Variants in DCAF8L2 observed in about 807,000 individuals in gnomAD.
DCAF8L2 encodes DDB1- and CUL4-associated factor 8-like protein 2.
For synonymous variants in DCAF8L2, 200 were observed against 190.9 expected (o/e 1.05, Z -0.39); for missense variants, 430 against 490.7 (o/e 0.88, Z 1.17).
Position 27,717,970 on chromosome X carries a change from T to G in DCAF8L2, c.-59+1799T>G, listed in dbSNP as rs190521912. On this transcript the variant is annotated intron_variant, in intron 4 of 4. Coordinates refer to ENST00000451261, the MANE Select transcript of DCAF8L2 (RefSeq NM_001353450.2). ...TTGCCATAACTTAGTCATTTCTCTA[T>G]TATAAAATATTCTATTTTACTATTG... Among the ~76,000 whole-genome samples, 439 of 112,167 alleles carry G rather than the reference T, an allele frequency of 3.9e-3. 2 individuals are homozygous for G. Among genetic ancestry groups the G allele is most frequent in the African/African-American group, 0.013 (411 of 30,949 alleles).
the DCAF8L2 span, among the ~76,000 whole-genome samples, chrX:27,516,659 A>G: frequency 2.7e-5 from 3 of 111,762 alleles, no homozygotes; most frequent in South Asian, 7.5e-4. Flanking sequence ...ACTTTAAGAT[A>G]TTCTGAGGGA....
At chrX:27,664,790 A>G (rs1438879291) in intron 2 of DCAF8L2, among the ~76,000 whole-genome samples, 1 of 111,007 alleles carries the variant, frequency 9.0e-6, no homozygotes, top group Non-Finnish European at 1.9e-5. Flanking sequence ...TATTTTGCTA[A>G]ATTTACTCTG....
At chrX:27,477,828 C>T in the DCAF8L2 span, among the ~76,000 whole-genome samples, 1 of 111,774 alleles carries the variant, frequency 8.9e-6, no homozygotes, top group East Asian at 2.8e-4. Context: ...CATTCAAAGA[C>T]AACTAACAAG....
At chrX:27,639,773 G>T (rs1928635898) in intron 2 of DCAF8L2, among the ~76,000 whole-genome samples, 1 of 111,004 alleles carries the variant, frequency 9.0e-6, no homozygotes, top group Non-Finnish European at 1.9e-5. Flanking sequence ...TGTTATAGCT[G>T]CCACTTGGAT....
intron 3 of DCAF8L2, among the ~76,000 whole-genome samples, chrX:27,696,900 T>C (rs1930947287): frequency 9.0e-6 from 1 of 111,175 alleles, no homozygotes; most frequent in Non-Finnish European, 1.9e-5. Flanking sequence ...AAGCAGCAGA[T>C]TTTTTTTATT....
the DCAF8L2 span, among the ~76,000 whole-genome samples, chrX:27,541,060 T>G: frequency 9.0e-6 from 1 of 111,646 alleles, no homozygotes; most frequent in African/African-American, 3.3e-5. Flanking sequence ...CTCTTGGCCC[T>G]CTGAAGCTTC....
At chrX:27,742,105 C>A (rs1311671927) in intron 4 of DCAF8L2, among the ~76,000 whole-genome samples, 1 of 112,262 alleles carries the variant, frequency 8.9e-6, no homozygotes, top group East Asian at 2.8e-4. Flanking sequence ...CAGAGAGACA[C>A]TGAGTCTTCT....
At chrX:27,505,245 A>G in the DCAF8L2 span, among the ~76,000 whole-genome samples, 1 of 111,333 alleles carries the variant, frequency 9.0e-6, no homozygotes, top group African/African-American at 3.3e-5. Flanking sequence ...GGTTGACCCT[A>G]GATACGAACC....
chrX:27,532,959 T>C, the DCAF8L2 span, among the ~76,000 whole-genome samples: 3 of 102,332 alleles, frequency 2.9e-5, no homozygotes, highest in Admixed American at 1.1e-4. Context: ...TGCCTGTAAT[T>C]GCAGGTACTT....
chrX:27,660,850 C>G (rs1929534688), intron 2 of DCAF8L2, among the ~76,000 whole-genome samples: 1 of 112,275 alleles, frequency 8.9e-6, no homozygotes, highest in Non-Finnish European at 1.9e-5. Flanking sequence ...CAAACATTCT[C>G]CTTCCTGGGG....
chrX:27,657,002 T>TCTAC (rs1929377506), intron 2 of DCAF8L2, among the ~76,000 whole-genome samples: 1 of 110,329 alleles, frequency 9.1e-6, no homozygotes, highest in Non-Finnish European at 1.9e-5. Context: ...CCACCCTTAA[T>TCTAC]TTGGGTGGGC....
chrX:27,628,107 C>T (rs749441512), intron 1 of DCAF8L2, among the ~76,000 whole-genome samples: 2 of 111,144 alleles, frequency 1.8e-5, no homozygotes, highest in Non-Finnish European at 3.8e-5. Context: ...CACTTTCCAA[C>T]CCTGCCAATC....
Position 27,748,754 on chromosome X carries a change from A to T in DCAF8L2, c.1859A>T (p.Glu620Val). The change falls in exon 5 of 5, where the codon GAG (glutamate) becomes GTG (valine). Residue 620 changes from glutamate to valine, a missense_variant. Transcript: ENST00000451261. ...TCCAGCACTTCAGAGACATCTGAGG[A>T]GGAGGTCCAAGACCGAGTGCAGTGC... ...ESSSTSETSE[E>V]EVQDRVQCMP... The T allele has an allele frequency of 8.3e-7, 1 of 1,205,624 alleles. No homozygotes were observed. The highest frequency in any genetic ancestry group is 1.1e-6 in the Non-Finnish European group (1 of 892,050).
chrX:27,749,792 G>A lies in DCAF8L2; in HGVS notation c.*1001G>A, dbSNP rs1922472044. On this transcript the variant is annotated 3_prime_UTR_variant, in exon 5 of 5. Coordinates refer to ENST00000451261, the MANE Select transcript of DCAF8L2 (RefSeq NM_001353450.2). The stretch of plus-strand genomic sequence containing the variant: ...ACATAACCATTTGGTGTAATTGGTA[G>A]AAAAATCCTATTTGACATCCTCACA... 8.9e-6 allele frequency among the ~76,000 whole-genome samples: 1 copy of A among 112,318 alleles called. No homozygotes were observed. Among genetic ancestry groups the A allele is most frequent in the African/African-American group, 3.2e-5 (1 of 30,947 alleles).
chrX:27,670,681 A>G (rs1280701886), intron 2 of DCAF8L2, among the ~76,000 whole-genome samples: 3 of 110,619 alleles, frequency 2.7e-5, no homozygotes, highest in Non-Finnish European at 1.9e-5. Flanking sequence ...TTGGAGGGGG[A>G]CCTGGTGGGA....
chrX:27,610,073 T>C (rs1927086729), intron 1 of DCAF8L2, among the ~76,000 whole-genome samples: 1 of 111,981 alleles, frequency 8.9e-6, no homozygotes, highest in Non-Finnish European at 1.9e-5. Flanking sequence ...GTGGATAGCA[T>C]AGACCAGATA....
At chrX:27,528,476 G>GTATATATATATATA in the DCAF8L2 span, among the ~76,000 whole-genome samples, 46 of 83,432 alleles carry the variant, frequency 5.5e-4, no homozygotes, top group East Asian at 1.9e-3. Context: ...ATGTGTATGT[G>GTATATATATATATA]TATATATATA....
chrX:27,488,913 CA>C, the DCAF8L2 span, among the ~76,000 whole-genome samples: 3 of 110,480 alleles, frequency 2.7e-5, no homozygotes, highest in African/African-American at 9.9e-5. Flanking sequence ...CTTGGCCTCC[CA>C]AAGTGTTGAG....
intron 3 of DCAF8L2, among the ~76,000 whole-genome samples, chrX:27,704,856 G>A (rs761274310): frequency 9.0e-6 from 1 of 110,630 alleles, no homozygotes; most frequent in South Asian, 3.9e-4. Context: ...AGATATGCAT[G>A]TTTGTTATAT....
Sources: gnomAD v4.1 joint callset for allele counts (sites outside exome capture counted in the v4.1 genomes callset) on GRCh38, gnomAD v4.1.1 for gene constraint, MANE v1.5 for transcripts, NCBI Gene and HGNC (gene_info 2026-07-23, HGNC 2026-07-21) for gene names.